MTCL1: variants seen among roughly 807,000 people sequenced by gnomAD.
MTCL1 encodes the protein microtubule crosslinking factor 1, also known as microtubule cross-linking factor 1.
MTCL1 carries 79 observed loss-of-function variants against 141.4 expected under a neutral mutation model. The observed-to-expected ratio is 0.56, with a 90% CI of 0.47 to 0.67. The LOEUF (loss-of-function observed/expected upper bound fraction) is 0.67. MTCL1 is among the 30% of genes least tolerant of loss of function. The pLI, the probability that MTCL1 is intolerant of heterozygous loss-of-function variation, is 0.00. For missense variants in MTCL1, 2,177 were observed against 2,113.9 expected (o/e 1.03, Z -0.59); for synonymous variants, 914 against 875.8 (o/e 1.04, Z -0.77).
exon 1 of MTCL1, chr18:8,706,227 G>A (rs1598333905): frequency 4.1e-6 from 5 of 1,227,586 alleles, no homozygotes; most frequent in Non-Finnish European, 5.1e-6. Flanking sequence ...TGACCCTCGC[G>A]GTGACCTCGG....
chr18:8,796,574 A>C, intron 9 of MTCL1, 112 bp downstream of exon 8: 9 of 1,112,700 alleles, frequency 8.1e-6, no homozygotes, highest in Non-Finnish European at 1.0e-5. Flanking sequence ...TTTATTTCTC[A>C]ATATTTGGTT....
chr18:8,813,704 G>A (rs1486323260), intron 12 of MTCL1, among the ~76,000 whole-genome samples: 5 of 152,220 alleles, frequency 3.3e-5, no homozygotes, highest in Non-Finnish European at 7.3e-5. Context: ...CAGGCTGTTT[G>A]CTGGTGAGTG....
intron 7 of MTCL1, among the ~76,000 whole-genome samples, chr18:8,790,248 TAACATATATA>T: frequency 6.6e-6 from 1 of 152,358 alleles, no homozygotes; most frequent in African/African-American, 2.4e-5. Context: ...AATGGCTTCT[TAACATATATA>T]TTATTTATTA....
intron 4 of MTCL1, among the ~76,000 whole-genome samples, chr18:8,742,381 G>C (rs1457028925): frequency 6.6e-6 from 1 of 152,182 alleles, no homozygotes; most frequent in African/African-American, 2.4e-5. Flanking sequence ...TTATAAAGGA[G>C]AGAGGTTTAA....
intron 1 of MTCL1, among the ~76,000 whole-genome samples, chr18:8,709,488 C>T (rs1203523331): frequency 2.0e-5 from 3 of 152,144 alleles, no homozygotes; most frequent in Non-Finnish European, 4.4e-5. Context: ...GCCTCTGTGC[C>T]TCGTGGGGTA....
chr18:8,821,514 G>A lies in MTCL1; in HGVS notation c.3188+16G>A. On this transcript the variant is annotated intron_variant, in intron 14 of 16. Transcript: ENST00000359865. ...ATCTTCAAAGGTAAGTAAGATTGAT[G>A]AAAATAATAGATTACTAGAATAAAA... is the stretch of plus-strand genomic sequence containing the variant. 3.1e-6 allele frequency: 4 copies of A among 1,280,512 alleles called. No homozygotes were observed. The highest frequency in any genetic ancestry group is 4.5e-6 in the Non-Finnish European group (4 of 897,054). The allele number at this position is 1,280,512 out of a possible 1,614,324, so 79.3% of individuals were successfully genotyped here.
At chr18:8,801,038 G>A (rs144607508) in intron 10 of MTCL1, among the ~76,000 whole-genome samples, 2,703 of 152,294 alleles carry the variant, frequency 0.018, 33 homozygotes, top group Middle Eastern at 0.048. Context: ...CCAGCCTCAG[G>A]ACTGAGTAGA....
At chr18:8,799,946 C>T (rs1007517985) in intron 10 of MTCL1, among the ~76,000 whole-genome samples, 56 of 152,214 alleles carry the variant, frequency 3.7e-4, no homozygotes, top group African/African-American at 1.2e-3. Context: ...GAGATGGACC[C>T]GTGAGCTTCC....
At chr18:8,743,114 TC>T (rs1427615204) in intron 4 of MTCL1, among the ~76,000 whole-genome samples, 1 of 152,214 alleles carries the variant, frequency 6.6e-6, no homozygotes, top group African/African-American at 2.4e-5. Flanking sequence ...GATGGAGAAG[TC>T]CCGTGTGGAG....
At chr18:8,769,958 G>T (rs1315403131) in intron 4 of MTCL1, among the ~76,000 whole-genome samples, 1 of 152,216 alleles carries the variant, frequency 6.6e-6, no homozygotes. Context: ...CAGCACCTGC[G>T]AATGTAGCAA....
intron 1 of MTCL1, among the ~76,000 whole-genome samples, chr18:8,710,139 C>G (rs186658234): frequency 6.6e-6 from 1 of 152,168 alleles, no homozygotes; most frequent in African/African-American, 2.4e-5. Context: ...CGCGCCCGGC[C>G]TGGCCTGTAT....
chr18:8,726,530 AGTGCGCAT>A (rs1567945321), intron 4 of MTCL1, among the ~76,000 whole-genome samples: 10 of 112,896 alleles, frequency 8.9e-5, no homozygotes, highest in East Asian at 5.5e-4. Flanking sequence ...AGAGAGAGCG[AGTGCGCAT>A]GCGCGCGCGC....
exon 17 of MTCL1, chr18:8,831,964 G>A: frequency 1.2e-6 from 1 of 834,336 alleles, no homozygotes; most frequent in Non-Finnish European, 1.8e-6. Context: ...GTGAAACTGA[G>A]ATGTTTCTAG....
intron 12 of MTCL1, among the ~76,000 whole-genome samples, 176 bp downstream of exon 11, chr18:8,813,409 C>G (rs2076551650): frequency 6.6e-6 from 1 of 151,566 alleles, no homozygotes; most frequent in Non-Finnish European, 1.5e-5. Context: ...AGGCTCATGC[C>G]TCTCCATGAC....
At chr18:8,818,138 C>T (rs779265237) in intron 12 of MTCL1, among the ~76,000 whole-genome samples, 4 of 152,208 alleles carry the variant, frequency 2.6e-5, no homozygotes, top group Non-Finnish European at 5.9e-5. Flanking sequence ...GGCATGACTC[C>T]GGTGAGCCCA....
In MTCL1 at chr18:8,779,531, G is replaced by A. The variant is rs1032072926; in HGVS notation, c.417+1639G>A. ...ATTCCACATCTTATGAGAAGGAGTG[G>A]CTTCCCCTACTCAGAACAGGCCGAG... is the stretch of plus-strand genomic sequence containing the variant. On this transcript the variant is annotated intron_variant, in intron 5 of 16. Coordinates refer to ENST00000359865, the Ensembl canonical transcript of MTCL1. The surrounding 1 kb of genome is among the most constrained non-coding windows in gnomAD (Gnocchi z 4.1). Among the ~76,000 whole-genome samples the A allele has an allele frequency of 6.6e-6, 1 of 152,176 alleles. No individual in the cohort carries two copies. Among genetic ancestry groups the A allele is most frequent in the Non-Finnish European group, 1.5e-5 (1 of 68,030 alleles).
At chr18:8,772,065 C>T in intron 4 of MTCL1, among the ~76,000 whole-genome samples, 1 of 152,224 alleles carries the variant, frequency 6.6e-6, no homozygotes, top group East Asian at 1.9e-4. Context: ...TGGACGAGAC[C>T]CTGGCAGGTG....
intron 4 of MTCL1, among the ~76,000 whole-genome samples, chr18:8,746,840 C>A (rs150326676): frequency 6.0e-4 from 92 of 152,208 alleles, no homozygotes; most frequent in African/African-American, 1.7e-3. Flanking sequence ...AATATATACC[C>A]GAGGACCGCG....
At chr18:8,727,348 T>G (rs1052355110) in intron 4 of MTCL1, among the ~76,000 whole-genome samples, 2 of 152,220 alleles carry the variant, frequency 1.3e-5, no homozygotes. Flanking sequence ...GTTCTATTTT[T>G]ACTACTTTGA....
Sources: allele counts gnomAD v4.1 joint callset (sites outside exome capture counted in the v4.1 genomes callset), GRCh38; gene constraint gnomAD v4.1.1; non-coding constraint Gnocchi (gnomAD v3.1); transcripts MANE v1.5; gene names NCBI Gene and HGNC (gene_info 2026-07-23, HGNC 2026-07-21).